Variants in APAF1 observed in about 807,000 individuals in gnomAD.
APAF1 encodes apoptotic protease-activating factor 1.
A neutral mutation model predicts 152.4 loss-of-function variants in APAF1; 91 were observed. The observed-to-expected ratio is 0.60, with a 90% CI of 0.50 to 0.71. The LOEUF is 0.71. Among genes scored for constraint, APAF1 ranks in the 30% least tolerant of loss-of-function variants. The pLI, the probability that APAF1 is intolerant of heterozygous loss-of-function variation, is 0.00. For synonymous variants in APAF1, 484 were observed against 494.1 expected (o/e 0.98, Z 0.27); for missense variants, 1,283 against 1,472.0 (o/e 0.87, Z 2.10).
intron 7 of APAF1, among the ~76,000 whole-genome samples, chr12:98,664,257 T>C (rs572530010): frequency 6.6e-6 from 1 of 150,714 alleles, no homozygotes; most frequent in South Asian, 2.1e-4. Context: ...GACCTCGTGA[T>C]CCACCTGCCT....
intron 13 of APAF1, among the ~76,000 whole-genome samples, chr12:98,679,795 C>T (rs1275451469): frequency 1.3e-5 from 2 of 152,254 alleles, no homozygotes; most frequent in Admixed American, 6.5e-5. Context: ...ATGCTGGCAC[C>T]TGGAGCTGCC....
chr12:98,727,282 G>A lies in APAF1; in HGVS notation c.3566G>A (p.Gly1189Asp), dbSNP rs765405502. The change falls in exon 26 of 27, where the codon GGC (glycine) becomes GAC (aspartate). Residue 1189 changes from glycine (G) to aspartate (D), a missense_variant. Gly to Asp is a moderately conservative substitution (Grantham distance 94). Coordinates refer to ENST00000551964, the MANE Select transcript of APAF1 (RefSeq NM_181861.2). Reference sequence around the variant, plus strand: ...ACTGACCTTTGCTTTTCTCCAGATGGCAAAATGCTTATCTCTGCTGGAGGA... The same window carrying A: ...ACTGACCTTTGCTTTTCTCCAGATGACAAAATGCTTATCTCTGCTGGAGGA... ...WVTDLCFSPD[G>D]KMLISAGGYI... The A allele has an allele frequency of 1.1e-5, 18 of 1,613,926 alleles. No individual in the cohort carries two copies. Among genetic ancestry groups the A allele is most frequent in the South Asian group, 2.2e-5 (2 of 91,090 alleles).
intron 14 of APAF1, among the ~76,000 whole-genome samples, chr12:98,682,345 G>A (rs1049039069): frequency 2.6e-5 from 4 of 152,262 alleles, no homozygotes; most frequent in Admixed American, 6.5e-5. Flanking sequence ...GAGCCACCGC[G>A]CCCGGCCTGA....
chr12:98,663,123 G>A (rs1323783920), intron 7 of APAF1, among the ~76,000 whole-genome samples: 2 of 152,088 alleles, frequency 1.3e-5, no homozygotes, highest in African/African-American at 4.8e-5. Flanking sequence ...GTTTTTGCTT[G>A]GGATTTTATA....
At chr12:98,680,651 A>G (rs2097691285) in intron 14 of APAF1, among the ~76,000 whole-genome samples, 1 of 152,156 alleles carries the variant, frequency 6.6e-6, no homozygotes, top group Admixed American at 6.6e-5. Flanking sequence ...CCTGGGCTCA[A>G]GTGATCCTCC....
At chr12:98,656,293 A>G (rs12369297) in intron 4 of APAF1, among the ~76,000 whole-genome samples, 6 of 152,118 alleles carry the variant, frequency 3.9e-5, no homozygotes, top group Admixed American at 1.3e-4. Flanking sequence ...ATTCTCTGCA[A>G]TTATAAATAT....
At chr12:98,724,981 ACT>A (rs2097748337) in intron 24 of APAF1, among the ~76,000 whole-genome samples, 1 of 152,152 alleles carries the variant, frequency 6.6e-6, no homozygotes, top group Admixed American at 6.5e-5. Flanking sequence ...TAGTAATTTC[ACT>A]CTCTATAATC....
chr12:98,674,066 GCT>G (rs2097683864), intron 12 of APAF1, among the ~76,000 whole-genome samples: 1 of 152,074 alleles, frequency 6.6e-6, no homozygotes, highest in African/African-American at 2.4e-5. Context: ...TATGATCACT[GCT>G]CACTGTAGCC....
intron 1 of APAF1, 44 bp from the exon 2 acceptor site, chr12:98,648,275 A>T: frequency 6.7e-7 from 1 of 1,496,078 alleles, no homozygotes; most frequent in Non-Finnish European, 9.3e-7. Context: ...GTATCTTTTC[A>T]TATTTTTATT....
chr12:98,660,508 T>C (rs1256994717), intron 5 of APAF1, among the ~76,000 whole-genome samples: 1 of 152,232 alleles, frequency 6.6e-6, no homozygotes, highest in Non-Finnish European at 1.5e-5. Context: ...CTTACCATTA[T>C]AATTATGTGC....
chr12:98,729,656 CT>C (rs2097757283), intron 26 of APAF1, among the ~76,000 whole-genome samples: 2 of 152,298 alleles, frequency 1.3e-5, no homozygotes, highest in Non-Finnish European at 2.9e-5. Context: ...CTAATAAGAT[CT>C]TATGATACTG....
chr12:98,716,016 T>C (rs1473889431), intron 22 of APAF1, among the ~76,000 whole-genome samples: 1 of 152,252 alleles, frequency 6.6e-6, no homozygotes, highest in East Asian at 1.9e-4. Context: ...AAACTTACTA[T>C]ATATTCTTTT....
At chr12:98,698,780 A>T (rs781388890) in intron 16 of APAF1, among the ~76,000 whole-genome samples, 4 of 152,070 alleles carry the variant, frequency 2.6e-5, no homozygotes, top group African/African-American at 4.8e-5. Flanking sequence ...GTGAAGGTGG[A>T]TCTTCTTGAA....
intron 7 of APAF1, among the ~76,000 whole-genome samples, chr12:98,665,255 C>CATATAGAT (rs1217643161): frequency 1.0e-5 from 1 of 97,872 alleles, no homozygotes; most frequent in African/African-American, 3.8e-5. Context: ...TAGACTGGCG[C>CATATAGAT]ATATATATAT....
chr12:98,727,499 C>T (rs2097752227), intron 26 of APAF1, among the ~76,000 whole-genome samples, 183 bp downstream of exon 26: 1 of 149,220 alleles, frequency 6.7e-6, no homozygotes, highest in Non-Finnish European at 1.5e-5. Flanking sequence ...TTGAGCCATG[C>T]TTGCGCCACT....
intron 10 of APAF1, 119 bp downstream of exon 10, chr12:98,667,763 TG>T: frequency 1.4e-5 from 11 of 814,290 alleles, no homozygotes; most frequent in Non-Finnish European, 1.8e-5. Context: ...GCTTTCCATT[TG>T]ATTTTTTTTT....
At chr12:98,713,702 A>G (rs2097730682) in intron 21 of APAF1, among the ~76,000 whole-genome samples, 1 of 152,050 alleles carries the variant, frequency 6.6e-6, no homozygotes, top group South Asian at 2.1e-4. Flanking sequence ...TCCTTCTCTC[A>G]CTTTTTCTCA....
At chr12:98,664,560 A>G (rs143555343) in intron 7 of APAF1, among the ~76,000 whole-genome samples, 3 of 151,272 alleles carry the variant, frequency 2.0e-5, no homozygotes, top group East Asian at 3.9e-4. Flanking sequence ...TTAAAGAGCC[A>G]GGGTCTTGCT....
intron 19 of APAF1, among the ~76,000 whole-genome samples, chr12:98,707,350 C>G (rs1180044940): frequency 2.0e-5 from 3 of 152,136 alleles, no homozygotes; most frequent in Non-Finnish European, 2.9e-5. Context: ...TTGGAATGCT[C>G]TACTTACCTG....
Sources: gnomAD v4.1 joint callset for allele counts (sites outside exome capture counted in the v4.1 genomes callset) on GRCh38, gnomAD v4.1.1 for gene constraint, MANE v1.5 for transcripts, NCBI Gene and HGNC (gene_info 2026-07-23, HGNC 2026-07-21) for gene names.